The following CYP2E1 variants were observed in gnomAD, a reference collection of about 807,000 sequenced individuals.
CYP2E1 encodes the protein cytochrome P450 family 2 subfamily E member 1.
A neutral mutation model predicts 42.9 loss-of-function variants in CYP2E1; 31 were observed. The ratio of observed to expected loss-of-function variants is 0.72; its 90% CI spans 0.54 to 0.98. The LOEUF (loss-of-function observed/expected upper bound fraction) is 0.98. Ranked by LOEUF, CYP2E1 falls within the 50% of genes least tolerant of loss-of-function variation. The pLI is 0.00. For synonymous variants in CYP2E1, 244 were observed against 248.9 expected (o/e 0.98, Z 0.19); for missense variants, 565 against 633.2 (o/e 0.89, Z 1.16).
In CYP2E1 at chr10:133,538,956, C is replaced by T. The variant is rs759928543; in HGVS notation, c.1474C>T (p.Arg492Cys). The change falls in exon 9 of 9, where the codon CGC becomes TGC. Residue 492 changes from arginine (R) to cysteine (C), a missense_variant. Physicochemically the swap from Arg to Cys is radical, Grantham distance 180. Coordinates refer to ENST00000252945, the MANE Select transcript of CYP2E1 (RefSeq NM_000773.4). The part of the protein sequence containing the change: ...PPRYKLCVIP[R>C]S ...ACGTTACAAACTCTGTGTCATTCCC[C>T]GCTCATGAGTGTGTGGAGGACACCC... is the stretch of plus-strand genomic sequence containing the variant. 7.5e-6 allele frequency: 12 copies of T among 1,609,948 alleles called. No individual in the cohort carries two copies. The highest frequency in any genetic ancestry group is 6.7e-5 in the Admixed American group (4 of 59,600).
intron 2 of CYP2E1, 31 bp from the exon 3 acceptor site, chr10:133,531,554 G>C: frequency 6.2e-7 from 1 of 1,613,446 alleles, no homozygotes; most frequent in Non-Finnish European, 8.5e-7. Context: ...TGGGTATTTA[G>C]AATAACCTTC....
chr10:133,538,887 A>G lies in CYP2E1; in HGVS notation c.1405A>G (p.Ile469Val). The G allele has an allele frequency of 6.2e-7, 1 of 1,614,132 alleles. No individual in the cohort carries two copies. The highest frequency in any genetic ancestry group is 8.5e-7 in the Non-Finnish European group (1 of 1,180,010). ...NLKPLVDPKD[I>V]DLSPIHIGFG... ...GAAGCCTCTCGTTGACCCAAAGGAT[A>G]TCGACCTCAGCCCTATACATATTGG... Residue 469 changes from isoleucine to valine, a missense_variant, in exon 9 of 9, where the codon ATC becomes GTC. Coordinates refer to ENST00000252945, the MANE Select transcript of CYP2E1 (RefSeq NM_000773.4).
chr10:133,537,428 G>T (rs904375966), intron 7 of CYP2E1, 178 bp downstream of exon 7: 1 of 653,740 alleles, frequency 1.5e-6, no homozygotes, highest in South Asian at 2.0e-5. Context: ...GCTCACATTG[G>T]CCTGGTGACC....
chr10:133,530,228 A>G (rs1448681629), intron 2 of CYP2E1, among the ~76,000 whole-genome samples: 1 of 152,234 alleles, frequency 6.6e-6, no homozygotes, highest in African/African-American at 2.4e-5. Flanking sequence ...TTAGCACAAT[A>G]CTGAGCACAG....
rs377129915 is a variant in CYP2E1 at position 133,528,446 on chromosome 10, C to T, written c.178-35C>T. On this transcript the variant is annotated intron_variant, in intron 1 of 8. Transcript: ENST00000252945. ...TAGAGCCCCGCACCTCCTCGCCGCG[C>T]GGCGGGCCTGACTTCTAGCCACGGG... 36 of 1,607,396 alleles carry T rather than the reference C, an allele frequency of 2.2e-5. No homozygotes were observed. In the African/African-American group the frequency reaches 4.0e-4, roughly 18 times the overall value.
At chr10:133,534,303 C>T (rs1289474468) in intron 6 of CYP2E1, among the ~76,000 whole-genome samples, 1 of 152,120 alleles carries the variant, frequency 6.6e-6, no homozygotes, top group Admixed American at 6.5e-5. Context: ...CTTGCTGGGG[C>T]GTCTTCCTCA....
intron 1 of CYP2E1, 128 bp downstream of exon 1, chr10:133,527,700 T>C (rs550344504): frequency 1.3e-6 from 1 of 748,468 alleles, no homozygotes; most frequent in African/African-American, 1.7e-5. Flanking sequence ...CCTGAATTGA[T>C]AGCATCCTGG....
At chr10:133,537,923 TGAG>T (rs1851425337) in intron 8 of CYP2E1, 31 bp downstream of exon 8, 2 of 1,604,214 alleles carry the variant, frequency 1.2e-6, no homozygotes, top group Non-Finnish European at 1.7e-6. Flanking sequence ...TACCTTCCCT[TGAG>T]GAGCAGCCCA....
chr10:133,531,840 C>T (rs1306949516), intron 3 of CYP2E1, 106 bp downstream of exon 3: 14 of 1,209,942 alleles, frequency 1.2e-5, no homozygotes, highest in African/African-American at 7.7e-5. Context: ...GACCTACGGA[C>T]AAGGAGAGGG....
intron 5 of CYP2E1, among the ~76,000 whole-genome samples, chr10:133,533,383 G>A (rs1012084049): frequency 2.0e-5 from 3 of 152,210 alleles, no homozygotes; most frequent in African/African-American, 7.2e-5. Flanking sequence ...AGGACTGTCT[G>A]AGCATCTTCT....
chr10:133,532,049 C>A, intron 3 of CYP2E1, 75 bp from the exon 4 acceptor site: 1 of 1,422,862 alleles, frequency 7.0e-7, no homozygotes, highest in Admixed American at 1.8e-5. Context: ...CTTGGTGAAC[C>A]TCAGTGGGTG....
intron 6 of CYP2E1, among the ~76,000 whole-genome samples, chr10:133,536,039 A>G (rs1002618872): frequency 1.3e-5 from 2 of 152,202 alleles, no homozygotes; most frequent in African/African-American, 4.8e-5. Flanking sequence ...AGAGGCTTTC[A>G]GATTCAAGAA....
chr10:133,538,915 T>C lies in CYP2E1; in HGVS notation c.1433T>C (p.Phe478Ser). 1.2e-6 allele frequency: 2 copies of C among 1,614,064 alleles called. No individual in the cohort carries two copies. Among genetic ancestry groups the C allele is most frequent in the Non-Finnish European group, 1.7e-6 (2 of 1,180,004 alleles). The part of the protein sequence containing the change: ...DIDLSPIHIG[F>S]GCIPPRYKLC... ...GACCTCAGCCCTATACATATTGGGT[T>C]TGGCTGTATCCCACCACGTTACAAA... The change falls in exon 9 of 9, where the codon TTT becomes TCT. Residue 478 changes from phenylalanine (F) to serine (S), a missense_variant. Coordinates refer to ENST00000252945, the MANE Select transcript of CYP2E1 (RefSeq NM_000773.4).
At chr10:133,534,284 G>A (rs1484655641) in intron 6 of CYP2E1, among the ~76,000 whole-genome samples, 4 of 152,200 alleles carry the variant, frequency 2.6e-5, no homozygotes, top group Admixed American at 2.0e-4. Context: ...GGAGCTGGAG[G>A]GGAGGGTCCT....
At chr10:133,537,470 C>T in intron 7 of CYP2E1, 1 of 607,704 alleles carries the variant, frequency 1.6e-6, no homozygotes, top group East Asian at 2.8e-5. Flanking sequence ...AAAAGAGCCT[C>T]AGCAGATAGT....
chr10:133,530,689 G>A (rs1851325416), intron 2 of CYP2E1, among the ~76,000 whole-genome samples: 1 of 152,190 alleles, frequency 6.6e-6, no homozygotes, highest in Middle Eastern at 3.4e-3. Flanking sequence ...CTTATATGCA[G>A]GAAGTACCCA....
chr10:133,536,364 C>T (rs1253097811), intron 6 of CYP2E1, among the ~76,000 whole-genome samples: 5 of 151,422 alleles, frequency 3.3e-5, no homozygotes, highest in Non-Finnish European at 7.4e-5. Flanking sequence ...ACATCTTCTG[C>T]GTGGGTAGGG....
intron 5 of CYP2E1, among the ~76,000 whole-genome samples, chr10:133,533,280 C>T (rs373387329): frequency 2.7e-4 from 41 of 152,340 alleles, no homozygotes; most frequent in African/African-American, 9.4e-4. Context: ...CCCCTGCCCC[C>T]TTCCCACCTT....
chr10:133,527,951 A>G (rs1233468440), intron 1 of CYP2E1: 3 of 252,398 alleles, frequency 1.2e-5, no homozygotes, highest in Non-Finnish European at 2.3e-5. Flanking sequence ...TGTGGCACCA[A>G]TACCTGCCGC....
Sources: gnomAD v4.1 joint callset for allele counts (sites outside exome capture counted in the v4.1 genomes callset) on GRCh38, gnomAD v4.1.1 for gene constraint, MANE v1.5 for transcripts, NCBI Gene and HGNC (gene_info 2026-07-23, HGNC 2026-07-21) for gene names.